The following RAD51B variants were observed in gnomAD, a reference collection of about 807,000 sequenced individuals.
The protein encoded by RAD51B is RAD51 paralog B, also known as DNA repair protein RAD51 homolog 2.
In RAD51B, 38 loss-of-function variants were observed where a neutral mutation model predicts 42.2. That is an observed-to-expected ratio of 0.90 (90% CI 0.70 to 1.18). The LOEUF (loss-of-function observed/expected upper bound fraction) is 1.18, where lower values mean the gene tolerates loss of function less well. Among genes scored for constraint, RAD51B ranks in the 50% most tolerant of loss-of-function variants. The pLI is 0.00. For synonymous variants in RAD51B, 154 were observed against 145.2 expected (o/e 1.06, Z -0.43); for missense variants, 373 against 400.7 (o/e 0.93, Z 0.59).
intron 7 of RAD51B, among the ~76,000 whole-genome samples, chr14:67,969,357 T>C (rs918841112): frequency 1.3e-5 from 2 of 152,200 alleles, no homozygotes; most frequent in African/African-American, 4.8e-5. Flanking sequence ...TCACTAGCAT[T>C]AACACTCTCT....
intron 7 of RAD51B, among the ~76,000 whole-genome samples, chr14:68,176,544 G>A (rs189151113): frequency 1.3e-5 from 2 of 152,140 alleles, no homozygotes; most frequent in African/African-American, 4.8e-5. Context: ...TCTCTATGAG[G>A]AAATGAGGAT....
At chr14:68,153,099 T>G (rs1427530545) in intron 7 of RAD51B, among the ~76,000 whole-genome samples, 1 of 152,212 alleles carries the variant, frequency 6.6e-6, no homozygotes, top group Non-Finnish European at 1.5e-5. Context: ...TGATTTATAT[T>G]CCTTTGGGTA....
chr14:68,039,385 G>T (rs944740572), intron 7 of RAD51B, among the ~76,000 whole-genome samples: 1 of 140,318 alleles, frequency 7.1e-6, no homozygotes, highest in South Asian at 2.2e-4. Flanking sequence ...CCATTATGGC[G>T]CCACTGCACT....
intron 10 of RAD51B, chr14:68,540,396 A>G: frequency 1.9e-6 from 2 of 1,054,684 alleles, no homozygotes; most frequent in Admixed American, 5.4e-5. Context: ...AAGTCATTAC[A>G]TATGACTTAT....
chr14:67,925,743 G>C (rs2044484652), intron 7 of RAD51B, among the ~76,000 whole-genome samples: 2 of 152,226 alleles, frequency 1.3e-5, no homozygotes, highest in Non-Finnish European at 2.9e-5. Context: ...TGGGCATCCA[G>C]ATGTTTCCAA....
chr14:68,515,773 CTTTTCTTTTTT>C (rs1886102445), intron 10 of RAD51B, among the ~76,000 whole-genome samples: 1 of 123,176 alleles, frequency 8.1e-6, no homozygotes, highest in South Asian at 2.8e-4. Flanking sequence ...TCTTTCTTTT[CTTTTCTTTTTT>C]TTTTTTTTTT....
At chr14:67,922,261 T>A (rs2044350623) in intron 7 of RAD51B, among the ~76,000 whole-genome samples, 1 of 152,200 alleles carries the variant, frequency 6.6e-6, no homozygotes, top group South Asian at 2.1e-4. Flanking sequence ...CAGCAAACCT[T>A]GGGGGAGATA....
At chr14:68,223,710 C>T (rs1333116474) in intron 7 of RAD51B, among the ~76,000 whole-genome samples, 1 of 151,590 alleles carries the variant, frequency 6.6e-6, no homozygotes, top group Non-Finnish European at 1.5e-5. Context: ...AAAAGAAAAT[C>T]CTACCTTATG....
intron 7 of RAD51B, among the ~76,000 whole-genome samples, chr14:68,106,727 G>GATGATA (rs1396743565): frequency 1.3e-5 from 2 of 151,966 alleles, no homozygotes; most frequent in African/African-American, 4.8e-5. Flanking sequence ...TGATGATGAT[G>GATGATA]ATGATAACCA....
In RAD51B at chr14:68,415,524, T is replaced by C. The variant is rs370465774; in HGVS notation, c.957+3997T>C. 6.6e-5 allele frequency among the ~76,000 whole-genome samples: 10 copies of C among 152,316 alleles called. No individual in the cohort carries two copies. In the East Asian group the frequency reaches 1.3e-3, roughly 21 times the overall value. On this transcript the variant is annotated intron_variant, in intron 9 of 10. Transcript: ENST00000471583. ...TACCCTCTGGTTGTTCACAGTCTACTTGAGGAAACAGATAAGCATGTAAAC... is the reference window on the plus strand; with the variant it reads ...TACCCTCTGGTTGTTCACAGTCTACCTGAGGAAACAGATAAGCATGTAAAC...
intron 7 of RAD51B, among the ~76,000 whole-genome samples, chr14:67,917,215 T>C (rs950202603): frequency 6.6e-6 from 1 of 152,250 alleles, no homozygotes; most frequent in African/African-American, 2.4e-5. Flanking sequence ...AAGGAATACG[T>C]GAGACTGGGT....
intron 7 of RAD51B, among the ~76,000 whole-genome samples, chr14:67,935,042 G>T (rs999732404): frequency 6.6e-6 from 1 of 152,192 alleles, no homozygotes; most frequent in Non-Finnish European, 1.5e-5. Flanking sequence ...TTATGGTAGG[G>T]TCTGTTTCTA....
At chr14:68,435,061 G>A (rs2085112479) in intron 9 of RAD51B, among the ~76,000 whole-genome samples, 1 of 152,136 alleles carries the variant, frequency 6.6e-6, no homozygotes, top group African/African-American at 2.4e-5. Context: ...AGGAACATAT[G>A]TGCAGGTTTG....
At chr14:67,972,409 T>C (rs995369167) in intron 7 of RAD51B, among the ~76,000 whole-genome samples, 1 of 152,062 alleles carries the variant, frequency 6.6e-6, no homozygotes, top group Non-Finnish European at 1.5e-5. Flanking sequence ...GCCTAGACTT[T>C]AGAGGCGACA....
chr14:68,554,968 C>G (rs886124435), intron 10 of RAD51B, among the ~76,000 whole-genome samples: 10 of 151,894 alleles, frequency 6.6e-5, no homozygotes, highest in Admixed American at 2.0e-4. Context: ...CCTGCCTCAG[C>G]TCCCTGAGTA....
chr14:68,371,151 A>T (rs2083255674), intron 8 of RAD51B, among the ~76,000 whole-genome samples: 1 of 151,390 alleles, frequency 6.6e-6, no homozygotes, highest in Admixed American at 6.6e-5. Flanking sequence ...TCCTAGAGTT[A>T]TTTAGGCCAA....
intron 8 of RAD51B, among the ~76,000 whole-genome samples, chr14:68,376,244 C>T (rs1018184979): frequency 6.6e-6 from 1 of 152,186 alleles, no homozygotes; most frequent in East Asian, 1.9e-4. Flanking sequence ...ATCCTGACTT[C>T]CCATTTGTAT....
At chr14:67,833,780 G>A (rs188517574) in intron 3 of RAD51B, among the ~76,000 whole-genome samples, 1 of 152,316 alleles carries the variant, frequency 6.6e-6, no homozygotes, top group East Asian at 1.9e-4. Context: ...AAGGGGGACT[G>A]TTGTACTGTG....
At chr14:68,130,494 C>T (rs182747554) in intron 7 of RAD51B, among the ~76,000 whole-genome samples, 102 of 152,326 alleles carry the variant, frequency 6.7e-4, no homozygotes, top group Non-Finnish European at 1.4e-3. Context: ...AATCATCTCT[C>T]TATTGCTTTA....
Sources: allele counts gnomAD v4.1 joint callset (sites outside exome capture counted in the v4.1 genomes callset), GRCh38; gene constraint gnomAD v4.1.1; transcripts MANE v1.5; gene names NCBI Gene and HGNC (gene_info 2026-07-23, HGNC 2026-07-21).